Variants in XRN1 observed in about 807,000 individuals in gnomAD.
The protein encoded by XRN1 is strand-exchange protein 1 homolog.
In XRN1, 67 loss-of-function variants were observed where a neutral mutation model predicts 222.3. The observed-to-expected ratio is 0.30, with a 90% CI of 0.25 to 0.37. The LOEUF is 0.37. Among genes scored for constraint, XRN1 ranks in the 10% least tolerant of loss-of-function variants. The probability of loss-of-function intolerance (pLI) is 1.00; values close to 1 mark genes in which losing one functional copy is unlikely to be tolerated. For missense variants in XRN1, 1,707 were observed against 2,000.2 expected (o/e 0.85, Z 2.80); for synonymous variants, 643 against 652.4 (o/e 0.99, Z 0.22).
At chr3:142,441,743 T>G (rs988165533) in intron 1 of XRN1, among the ~76,000 whole-genome samples, 1 of 152,238 alleles carries the variant, frequency 6.6e-6, no homozygotes, top group Non-Finnish European at 1.5e-5. Context: ...GTTGCGACTG[T>G]GCACTTGTGC....
chr3:142,421,493 G>T lies in XRN1; in HGVS notation c.1018C>A (p.Leu340Ile), dbSNP rs2069031787. 6.2e-7 allele frequency: 1 copy of T among 1,607,554 alleles called. No individual in the cohort carries two copies. The highest frequency in any genetic ancestry group is 1.3e-5 in the African/African-American group (1 of 74,590). The part of the protein sequence containing the change: ...HLNLPRFEKY[L>I]VKLSDFDREH... ...TTACTTACATCTGATAGTTTCACAA[G>T]GTATTTCTCAAATCGAGGTAAGTTG... The change falls in exon 9 of 41, where the codon CTT becomes ATT. Residue 340 changes from leucine (L) to isoleucine (I), a missense_variant. By Grantham distance (5) the Leu-to-Ile change is conservative (BLOSUM62 2). Transcript: ENST00000392981.
intron 18 of XRN1, among the ~76,000 whole-genome samples, chr3:142,403,073 T>A (rs1486578377): frequency 3.3e-5 from 5 of 152,136 alleles, no homozygotes; most frequent in African/African-American, 1.2e-4. Flanking sequence ...AAAATAATGG[T>A]CATGGGAAAA....
At chr3:142,312,233 T>C (rs1255724669) in intron 40 of XRN1, among the ~76,000 whole-genome samples, 1 of 152,142 alleles carries the variant, frequency 6.6e-6, no homozygotes, top group Non-Finnish European at 1.5e-5. Flanking sequence ...GTCGAGATTG[T>C]GCATGGGCTG....
chr3:142,400,844 G>C (rs2068102788), intron 18 of XRN1, among the ~76,000 whole-genome samples: 2 of 152,140 alleles, frequency 1.3e-5, no homozygotes, highest in African/African-American at 4.8e-5. Flanking sequence ...TTGAACCCAG[G>C]AGGCGGAGGT....
chr3:142,353,286 C>T (rs566923598), intron 32 of XRN1, among the ~76,000 whole-genome samples: 2 of 152,180 alleles, frequency 1.3e-5, no homozygotes, highest in Admixed American at 1.3e-4. Context: ...CTCATTGGTC[C>T]AGAAACTAAG....
Position 142,350,663 on chromosome 3 carries a change from G to A in XRN1, c.3769-3321C>T, listed in dbSNP as rs113800322. Among the ~76,000 whole-genome samples the A allele has an allele frequency of 5.1e-3, 781 of 152,176 alleles. 9 individuals carry two copies. The highest frequency in any genetic ancestry group is 0.018 in the African/African-American group (759 of 41,522). On this transcript the variant is annotated intron_variant, in intron 32 of 40. Coordinates refer to ENST00000392981, the MANE Select transcript of XRN1 (RefSeq NM_001282857.2). ...TCAAGGTGAGAGTTGGTATGAATTT[G>A]GAGTAGGGTAGTAGGAGCCTGTGAG...
chr3:142,342,803 A>C (rs2066034753), intron 33 of XRN1, among the ~76,000 whole-genome samples: 1 of 152,184 alleles, frequency 6.6e-6, no homozygotes, highest in Non-Finnish European at 1.5e-5. Flanking sequence ...ACTTAAGTCT[A>C]AGCCTAAAGT....
chr3:142,364,611 C>G (rs1308521954), intron 29 of XRN1, among the ~76,000 whole-genome samples: 2 of 152,028 alleles, frequency 1.3e-5, no homozygotes, highest in Admixed American at 1.3e-4. Flanking sequence ...TTAACTGTAA[C>G]TAACGTAATA....
intron 34 of XRN1, among the ~76,000 whole-genome samples, chr3:142,333,552 T>C (rs545871758): frequency 6.6e-6 from 1 of 152,322 alleles, no homozygotes; most frequent in African/African-American, 2.4e-5. Context: ...ATTTAGCATT[T>C]CCTGCAATTA....
At chr3:142,355,309 G>A (rs1559810279) in intron 32 of XRN1, 92 bp downstream of exon 32, 1 of 609,912 alleles carries the variant, frequency 1.6e-6, no homozygotes, top group Non-Finnish European at 2.5e-6. Flanking sequence ...TTTATGAGAT[G>A]TCACAGAAAA....
At chr3:142,364,516 A>G (rs142187948) in intron 29 of XRN1, among the ~76,000 whole-genome samples, 155 of 152,288 alleles carry the variant, frequency 1.0e-3, no homozygotes, top group Non-Finnish European at 1.5e-3. Context: ...CTGTTGTGCA[A>G]CAGATTGATA....
chr3:142,408,268 G>A (rs1394190700), intron 15 of XRN1, among the ~76,000 whole-genome samples: 2 of 152,208 alleles, frequency 1.3e-5, no homozygotes, highest in African/African-American at 4.8e-5. Context: ...TAGGCCTGGG[G>A]CCCATTTGGG....
In XRN1 at chr3:142,370,472, T is replaced by C. The variant is rs771164704; in HGVS notation, c.3204+13A>G. The C allele has an allele frequency of 1.3e-6, 2 of 1,587,792 alleles. No homozygotes were observed. Among genetic ancestry groups the C allele is most frequent in the South Asian group, 1.2e-5 (1 of 84,586 alleles). ...AAATCTCATCAATAATCTTGGTTACTGAAAGTTAGTACCTTGCACTTTTCG... is the reference window on the plus strand; with the variant it reads ...AAATCTCATCAATAATCTTGGTTACCGAAAGTTAGTACCTTGCACTTTTCG... On this transcript the variant is annotated intron_variant, in intron 27 of 40. Coordinates refer to ENST00000392981, the MANE Select transcript of XRN1 (RefSeq NM_001282857.2).
chr3:142,383,833 C>T (rs903269226), intron 21 of XRN1, among the ~76,000 whole-genome samples: 1 of 152,012 alleles, frequency 6.6e-6, no homozygotes, highest in Non-Finnish European at 1.5e-5. Context: ...GTCCTCTTAT[C>T]GTATCTAAGA....
chr3:142,371,307 A>G lies in XRN1; in HGVS notation c.3000T>C (p.Tyr1000=), dbSNP rs760692475. ...CATCCTCTTGGCTATTTTTGGCTAT[A>G]TAACTAAATAGTTCTGGAGCTCTGG... The part of the protein sequence containing the change: ...YLERAPELFS[Y]IAKNSQEDVF... The change falls in exon 26 of 41, where the codon TAT becomes TAC. Residue 1000 remains tyrosine (Y), a synonymous_variant. Transcript: ENST00000392981. 6 of 1,612,956 alleles carry G rather than the reference A, an allele frequency of 3.7e-6. No individual in the cohort carries two copies. The Admixed American group carries it at 5.0e-5, about 13-fold the overall frequency.
Position 142,417,114 on chromosome 3 carries a change from CTTTA to C in XRN1, c.1436+22_1436+25del, listed in dbSNP as rs913003366. 3.2e-6 allele frequency: 5 copies of C among 1,550,222 alleles called. No individual in the cohort carries two copies. The African/African-American group carries it at 6.9e-5, about 21-fold the overall frequency. On this transcript the variant is annotated intron_variant, in intron 13 of 40. Coordinates refer to ENST00000392981, the MANE Select transcript of XRN1 (RefSeq NM_001282857.2). ...AATGAATCATTATAAAAAGACAAAACTTTATTTTTGTTTTTATTCTCTCACCAGC... is the reference window on the plus strand; with the variant it reads ...AATGAATCATTATAAAAAGACAAAACTTTTTGTTTTTATTCTCTCACCAGC...
At chr3:142,409,867 T>G (rs1559859164) in intron 15 of XRN1, among the ~76,000 whole-genome samples, 3 of 152,212 alleles carry the variant, frequency 2.0e-5, no homozygotes, top group East Asian at 3.8e-4. Flanking sequence ...TTTATAGCTG[T>G]GTATTTTATA....
intron 24 of XRN1, chr3:142,376,265 C>T (rs1243211139): frequency 3.2e-6 from 2 of 620,162 alleles, no homozygotes; most frequent in Non-Finnish European, 2.7e-6. Flanking sequence ...TTTCAAGGTT[C>T]AATTTATTAG....
chr3:142,377,135 A>C (rs1340294988), intron 23 of XRN1, among the ~76,000 whole-genome samples: 1 of 152,086 alleles, frequency 6.6e-6, no homozygotes, highest in African/African-American at 2.4e-5. Context: ...GAAAACATAC[A>C]AGCATGTATA....
Sources: allele counts gnomAD v4.1 joint callset (sites outside exome capture counted in the v4.1 genomes callset), GRCh38; gene constraint gnomAD v4.1.1; transcripts MANE v1.5; gene names NCBI Gene and HGNC (gene_info 2026-07-23, HGNC 2026-07-21).